The following SFSWAP variants were observed in gnomAD, a reference collection of about 807,000 sequenced individuals.
SFSWAP encodes splicing factor SWAP.
In SFSWAP, 17 loss-of-function variants were observed where a neutral mutation model predicts 100.7. That is an observed-to-expected ratio of 0.17 (90% CI 0.12 to 0.25). SFSWAP has a LOEUF of 0.25. Among genes scored for constraint, SFSWAP ranks in the 10% least tolerant of loss-of-function variants. The pLI, the probability that SFSWAP is intolerant of heterozygous loss-of-function variation, is 1.00. For synonymous variants in SFSWAP, 504 were observed against 510.1 expected (o/e 0.99, Z 0.16); for missense variants, 1,005 against 1,262.6 (o/e 0.80, Z 3.09).
chr12:131,764,791 C>G, intron 12 of SFSWAP, 105 bp downstream of exon 12: 1 of 772,682 alleles, frequency 1.3e-6, no homozygotes, highest in Non-Finnish European at 2.1e-6. Context: ...AATCTGAAGC[C>G]TTTGGAAATC....
chr12:131,775,976 C>T (rs1489168044), intron 13 of SFSWAP, among the ~76,000 whole-genome samples: 1 of 151,968 alleles, frequency 6.6e-6, no homozygotes, highest in African/African-American at 2.4e-5. Context: ...ATGGCACATG[C>T]CTGTAATCCC....
At position 131,755,353 on chromosome 12, in the gene SFSWAP, T is replaced by G. The variant is rs61107809; in HGVS notation, c.1455-33T>G. ...TGTTACTTCAGTGAGCTTGTCTTGG[T>G]AAATGACCCATTTTCTTTCTTTTTC... On this transcript the variant is annotated intron_variant, in intron 9 of 17. Coordinates refer to ENST00000261674, the MANE Select transcript of SFSWAP (RefSeq NM_004592.4). The G allele has an allele frequency of 4.6e-3, 6,814 of 1,495,072 alleles. 253 individuals carry two copies. In the African/African-American group the frequency reaches 0.08, roughly 17 times the overall value. The allele number at this position is 1,495,072 out of a possible 1,614,324, so 92.6% of individuals were successfully genotyped here. A position where few individuals can be genotyped will look rare whatever the true frequency, so the allele number is the denominator to read the frequency against.
rs1283013554 is a variant in SFSWAP, at chr12:131,733,589, A to G, written c.1081+5161A>G. On this transcript the variant is annotated intron_variant, in intron 7 of 17. Transcript: ENST00000261674. This position sits in a 1 kb window ranked among gnomAD's most constrained non-coding sequence, Gnocchi z 5.1. ...CTCCATGTTCTCGGGGGATTTCTTC[A>G]CTGTGTTTCTTGGGGGCTCACCGAC... Among the ~76,000 whole-genome samples, 4 of 151,450 alleles carry G rather than the reference A, an allele frequency of 2.6e-5. No homozygotes were observed. Among genetic ancestry groups the G allele is most frequent in the African/African-American group, 4.9e-5 (2 of 41,150 alleles).
chr12:131,747,360 A>G (rs1368182250), intron 7 of SFSWAP, among the ~76,000 whole-genome samples: 7 of 152,206 alleles, frequency 4.6e-5, no homozygotes, highest in Admixed American at 4.6e-4. Flanking sequence ...TCATGGGGAC[A>G]GGGAGGCCTC....
rs976745245 is a variant in SFSWAP at position 131,711,604 on chromosome 12, G to A, written c.218+157G>A. On this transcript the variant is annotated intron_variant, in intron 1 of 17. Coordinates refer to ENST00000261674, the MANE Select transcript of SFSWAP (RefSeq NM_004592.4). This position sits in a 1 kb window ranked among gnomAD's most constrained non-coding sequence, Gnocchi z 4.9. ...TGTCCCCACCTCCTCCTGGTGTTCTGGTGGGGAGGGGGACGGTGAAACCTG... is the reference window on the plus strand; with the variant it reads ...TGTCCCCACCTCCTCCTGGTGTTCTAGTGGGGAGGGGGACGGTGAAACCTG... 1.6e-6 allele frequency: 1 copy of A among 636,010 alleles called. No individual in the cohort carries two copies. Among genetic ancestry groups the A allele is most frequent in the Non-Finnish European group, 2.7e-6 (1 of 366,184 alleles). The allele number at this position is 636,010 out of a possible 1,614,324, so 39.4% of individuals were successfully genotyped here.
At chr12:131,790,995 A>C (rs962061296) in intron 15 of SFSWAP, among the ~76,000 whole-genome samples, 2 of 152,244 alleles carry the variant, frequency 1.3e-5, no homozygotes, top group African/African-American at 4.8e-5. Flanking sequence ...CAAATGGGAC[A>C]AATAAAAACA....
At chr12:131,767,273 A>G (rs1883192786) in intron 13 of SFSWAP, among the ~76,000 whole-genome samples, 1 of 152,280 alleles carries the variant, frequency 6.6e-6, no homozygotes, top group Non-Finnish European at 1.5e-5. Flanking sequence ...AATTAATCAT[A>G]ATCAGCAAAA....
At chr12:131,785,049 G>A (rs986203557) in intron 14 of SFSWAP, 1 of 1,525,356 alleles carries the variant, frequency 6.6e-7, no homozygotes, top group African/African-American at 1.4e-5. Flanking sequence ...TTCTGAATGT[G>A]AAGTGTGTGC....
chr12:131,753,239 G>T lies in SFSWAP; in HGVS notation c.1198G>T (p.Val400Leu). ...TTYYSTLPAGVTVSNSPGVTT... is the reference protein window; with the variant it reads ...TTYYSTLPAGLTVSNSPGVTT... ...TTACTACAGCACCCTTCCTGCTGGCGTGACCGTGTCTAACTCCCCTGGAGT... is the reference window on the plus strand; with the variant it reads ...TTACTACAGCACCCTTCCTGCTGGCTTGACCGTGTCTAACTCCCCTGGAGT... Residue 400 changes from valine to leucine, a missense_variant, in exon 8 of 18, where the codon GTG (valine) becomes TTG (leucine). Physicochemically the swap from Val to Leu is conservative, Grantham distance 32. Coordinates refer to ENST00000261674, the MANE Select transcript of SFSWAP (RefSeq NM_004592.4). 1.9e-6 allele frequency: 3 copies of T among 1,614,166 alleles called. No individual in the cohort carries two copies. Among genetic ancestry groups the T allele is most frequent in the Non-Finnish European group, 2.5e-6 (3 of 1,180,022 alleles).
chr12:131,793,716 T>C lies in SFSWAP; in HGVS notation c.2535-3462T>C, dbSNP rs572168553. On this transcript the variant is annotated intron_variant, in intron 15 of 17. Transcript: ENST00000261674. ...TGTCTCTGACAAAAGCCTGTGTCAG[T>C]ACCAAAAAGACAAAGGACCCAATTA... 1.9e-3 allele frequency among the ~76,000 whole-genome samples: 286 copies of C among 152,108 alleles called. 4 individuals are homozygous for C. The highest frequency in any genetic ancestry group is 6.6e-3 in the African/African-American group (275 of 41,484).
intron 13 of SFSWAP, among the ~76,000 whole-genome samples, chr12:131,773,090 C>G (rs1883745000): frequency 6.6e-6 from 1 of 152,132 alleles, no homozygotes; most frequent in Admixed American, 6.5e-5. Flanking sequence ...CAGAGCAGGC[C>G]AAAAGGCAAC....
chr12:131,736,579 G>A (rs958675302), intron 7 of SFSWAP, among the ~76,000 whole-genome samples: 6 of 152,010 alleles, frequency 3.9e-5, no homozygotes, highest in Non-Finnish European at 5.9e-5. Flanking sequence ...CGTGTCCGCC[G>A]ACCGTAGAAC....
intron 3 of SFSWAP, among the ~76,000 whole-genome samples, chr12:131,716,094 G>T (rs537446306): frequency 4.6e-5 from 7 of 152,162 alleles, no homozygotes; most frequent in Non-Finnish European, 1.0e-4. Context: ...CTGCACTATG[G>T]TTCTACCCAT....
Position 131,744,974 on chromosome 12 carries a change from C to T in SFSWAP, c.1082-8149C>T, listed in dbSNP as rs1880979061. 2.6e-5 allele frequency among the ~76,000 whole-genome samples: 4 copies of T among 152,272 alleles called. No individual in the cohort carries two copies. The South Asian group carries it at 8.3e-4, about 32-fold the overall frequency. ...ACATGAGAACAGCGCAGGAAAGACCCACCCCCATAATTCTGTCACCTCCTA... is the reference window on the plus strand; with the variant it reads ...ACATGAGAACAGCGCAGGAAAGACCTACCCCCATAATTCTGTCACCTCCTA... On this transcript the variant is annotated intron_variant, in intron 7 of 17. Coordinates refer to ENST00000261674, the MANE Select transcript of SFSWAP (RefSeq NM_004592.4).
chr12:131,797,188 G>A lies in SFSWAP; in HGVS notation c.2545G>A (p.Glu849Lys), dbSNP rs779155571. The A allele has an allele frequency of 6.2e-6, 10 of 1,608,646 alleles. No individual in the cohort carries two copies. Among genetic ancestry groups the A allele is most frequent in the South Asian group, 1.1e-5 (1 of 90,982 alleles). ...ACTCTTGCCTTTCAGAAGTCCCCAC[G>A]AGAAGAAGAAGAAGAGGCGGTCCCG... ...RKRTRSRSPH[E>K]KKKKRRSRSR... The change falls in exon 16 of 18, where the codon GAG becomes AAG. Residue 849 changes from glutamate to lysine, a missense_variant. Glu to Lys is a moderately conservative substitution (Grantham distance 56). This residue lies in a region of SFSWAP where 295 missense variants were observed against 347.9 expected (regional missense o/e 0.85). Coordinates refer to ENST00000261674, the MANE Select transcript of SFSWAP (RefSeq NM_004592.4).
intron 7 of SFSWAP, 88 bp from the exon 8 acceptor site, chr12:131,753,031 TTGCC>T: frequency 3.9e-6 from 6 of 1,557,518 alleles, no homozygotes; most frequent in Non-Finnish European, 5.2e-6. Flanking sequence ...AGGCTGCATC[TTGCC>T]GGGGGAAGGG....
intron 14 of SFSWAP, among the ~76,000 whole-genome samples, chr12:131,783,256 G>A (rs1323144642): frequency 6.6e-6 from 1 of 151,738 alleles, no homozygotes; most frequent in East Asian, 1.9e-4. Flanking sequence ...ATTGTATCTG[G>A]TTCTCTATGT....
chr12:131,758,858 G>A (rs1882412305), intron 11 of SFSWAP, among the ~76,000 whole-genome samples: 2 of 152,348 alleles, frequency 1.3e-5, no homozygotes, highest in East Asian at 1.9e-4. Flanking sequence ...TGTGAAGTGG[G>A]AGGATCACTT....
intron 14 of SFSWAP, among the ~76,000 whole-genome samples, chr12:131,779,245 A>G (rs545855191): frequency 6.7e-6 from 1 of 148,880 alleles, no homozygotes; most frequent in Non-Finnish European, 1.5e-5. Context: ...GCGTGTGTGA[A>G]GAGGGCGGCG....
Sources: gnomAD v4.1 joint callset for allele counts (sites outside exome capture counted in the v4.1 genomes callset) on GRCh38, gnomAD v4.1.1 for gene constraint, gnomAD v4.1.1 regional missense constraint, Gnocchi (gnomAD v3.1) non-coding constraint, MANE v1.5 for transcripts, NCBI Gene and HGNC (gene_info 2026-07-23, HGNC 2026-07-21) for gene names.